The following PUM1 variants were observed in gnomAD, a reference collection of about 807,000 sequenced individuals.
PUM1 encodes pumilio homolog 1.
A neutral mutation model predicts 131.8 loss-of-function variants in PUM1; 13 were observed. The observed-to-expected ratio is 0.10, with a 90% CI of 0.06 to 0.16. PUM1 has a LOEUF of 0.16. PUM1 is among the 10% of genes least tolerant of loss of function. The probability of loss-of-function intolerance (pLI) is 1.00; values close to 1 mark genes in which losing one functional copy is unlikely to be tolerated. For missense variants in PUM1, 961 were observed against 1,512.4 expected, an observed-to-expected ratio of 0.64 and a Z score of 6.05; for synonymous variants, 509 against 556.5, an observed-to-expected ratio of 0.91 and a Z score of 1.20.
chr1:31,057,599 C>T (rs1396202750), intron 2 of PUM1, among the ~76,000 whole-genome samples: 1 of 151,232 alleles, frequency 6.6e-6, no homozygotes, highest in Admixed American at 6.6e-5. Flanking sequence ...GAGGTGGGTG[C>T]CTGTAATCCC....
At position 30,995,234 on chromosome 1, in the gene PUM1, A is replaced by T; in HGVS notation, c.721-14T>A. The stretch of plus-strand genomic sequence containing the variant: ...ATCCCTTGGGCCCTGTTTAAAAAAT[A>T]GCTTCAGCTTCACTAATCGTCATCA... On this transcript the variant is annotated splice_polypyrimidine_tract_variant and intron_variant, in intron 5 of 21. Transcript: ENST00000426105. 1 of 1,613,668 alleles carries T rather than the reference A, an allele frequency of 6.2e-7. No individual in the cohort carries two copies. The highest frequency in any genetic ancestry group is 8.5e-7 in the Non-Finnish European group (1 of 1,179,706).
intron 7 of PUM1, among the ~76,000 whole-genome samples, chr1:30,982,387 T>C (rs112265697): frequency 2.0e-5 from 3 of 152,178 alleles, no homozygotes; most frequent in African/African-American, 2.4e-5. Flanking sequence ...ATGAATAGTA[T>C]TGGTATAAAG....
intron 3 of PUM1, among the ~76,000 whole-genome samples, chr1:31,012,090 T>C (rs1361896378): frequency 6.6e-6 from 1 of 151,986 alleles, no homozygotes; most frequent in Non-Finnish European, 1.5e-5. Context: ...ACCCAAGTAA[T>C]CTCCCTGGCT....
At chr1:31,022,593 C>T (rs1643069040) in intron 3 of PUM1, among the ~76,000 whole-genome samples, 1 of 152,186 alleles carries the variant, frequency 6.6e-6, no homozygotes, top group Non-Finnish European at 1.5e-5. Context: ...TTAGAAAACA[C>T]CTTCTCCTAT....
intron 2 of PUM1, among the ~76,000 whole-genome samples, chr1:31,044,862 T>G (rs1643914815): frequency 6.6e-6 from 1 of 152,084 alleles, no homozygotes. Flanking sequence ...CAGGCTGGAG[T>G]GCAATGGCAC....
At chr1:31,032,870 C>T (rs992065811) in intron 2 of PUM1, among the ~76,000 whole-genome samples, 1 of 152,064 alleles carries the variant, frequency 6.6e-6, no homozygotes, top group Admixed American at 6.5e-5. Flanking sequence ...CTTTGGGAGG[C>T]TAAGGCGGGC....
intron 20 of PUM1, 63 bp from the exon 21 acceptor site, chr1:30,936,898 T>G: frequency 7.1e-7 from 1 of 1,415,706 alleles, no homozygotes; most frequent in African/African-American, 1.4e-5. Context: ...GAGGCTGTGC[T>G]TGCCTAGCTT....
At chr1:31,056,942 G>A (rs182418187) in intron 2 of PUM1, among the ~76,000 whole-genome samples, 30 of 151,878 alleles carry the variant, frequency 2.0e-4, no homozygotes, top group Non-Finnish European at 3.1e-4. Flanking sequence ...ACAAGCATGC[G>A]CCACCACGCC....
At chr1:30,992,007 C>T (rs917472057) in intron 7 of PUM1, among the ~76,000 whole-genome samples, 2 of 152,160 alleles carry the variant, frequency 1.3e-5, no homozygotes, top group African/African-American at 4.8e-5. Context: ...CTCCTGACAG[C>T]GGTGGATAGT....
intron 5 of PUM1, among the ~76,000 whole-genome samples, chr1:30,996,591 G>A (rs1641988024): frequency 6.6e-6 from 1 of 152,214 alleles, no homozygotes; most frequent in Non-Finnish European, 1.5e-5. Context: ...AAGGAACTGA[G>A]AAAGGATATA....
chr1:31,004,066 TC>T (rs1490862223), intron 5 of PUM1, among the ~76,000 whole-genome samples: 2 of 152,230 alleles, frequency 1.3e-5, no homozygotes, highest in African/African-American at 2.4e-5. Context: ...TCTGGCCCCA[TC>T]TATCTAGCCT....
Position 31,059,585 on chromosome 1 carries a change from C to CAAACAGGTTACAAAT in PUM1, c.-11-23_-11-9dup. On this transcript the variant is annotated splice_polypyrimidine_tract_variant and intron_variant, in intron 1 of 21. Coordinates refer to ENST00000426105, the MANE Select transcript of PUM1 (RefSeq NM_001020658.2). Reference sequence around the variant, plus strand: ...CGCTCATTCCACCAACACCTAAGGACAAACAGGTTACAAATATTTAATATT... The same window carrying CAAACAGGTTACAAAT: ...CGCTCATTCCACCAACACCTAAGGACAAACAGGTTACAAATAAACAGGTTACAAATATTTAATATT... The CAAACAGGTTACAAAT allele has an allele frequency of 6.3e-7, 1 of 1,577,044 alleles. No homozygotes were observed. Among genetic ancestry groups the CAAACAGGTTACAAAT allele is most frequent in the Non-Finnish European group, 8.6e-7 (1 of 1,163,318 alleles).
Position 30,966,221 on chromosome 1 carries a change from G to A in PUM1, c.1847C>T (p.Thr616Ile), listed in dbSNP as rs774998119. ...TCCTAAAGGGCGAAATGGTCCATTTGTTGTTCCAGCAAGACCACCAGCTGC... is the reference window on the plus strand; with the variant it reads ...TCCTAAAGGGCGAAATGGTCCATTTATTGTTCCAGCAAGACCACCAGCTGC... ...NGAAGGLAGT[T>I]NGPFRPLGTQ... Residue 616 changes from threonine to isoleucine, a missense_variant, in exon 13 of 22, where the codon ACA (threonine) becomes ATA (isoleucine). By Grantham distance (89) the Thr-to-Ile change is moderately conservative. Transcript: ENST00000426105. 4 of 1,613,460 alleles carry A rather than the reference G, an allele frequency of 2.5e-6. No homozygotes were observed. In the Admixed American group the frequency reaches 5.0e-5, roughly 20 times the overall value.
rs1174565063 is a variant in PUM1, at chr1:30,989,571, C to CAAAAAAAAAAA, written c.1158+2808_1158+2818dup. Reference sequence around the variant, plus strand: ...TGGGCAAAAGAGTGAGACTCCGTCTCAAAAAAAAAAAAAAAAAAAAAAAAA... The same window carrying CAAAAAAAAAAA: ...TGGGCAAAAGAGTGAGACTCCGTCTCAAAAAAAAAAAAAAAAAAAAAAAAAAAAAAAAAAAA... On this transcript the variant is annotated intron_variant, in intron 7 of 21. Transcript: ENST00000426105. Among the ~76,000 whole-genome samples the CAAAAAAAAAAA allele has an allele frequency of 2.7e-3, 76 of 27,698 alleles. 2 individuals are homozygous for CAAAAAAAAAAA. The highest frequency in any genetic ancestry group is 3.4e-3 in the African/African-American group (25 of 7,410). The allele number at this position is 27,698 out of a possible 152,430, so 18.2% of individuals were successfully genotyped here.
chr1:31,058,695 C>T (rs891705372), intron 2 of PUM1, among the ~76,000 whole-genome samples: 4 of 141,378 alleles, frequency 2.8e-5, no homozygotes, highest in African/African-American at 7.9e-5. Context: ...ATAGGCCGGG[C>T]GTGGGTGGCT....
chr1:30,956,726 T>C (rs1047536062), intron 14 of PUM1, among the ~76,000 whole-genome samples: 4 of 152,166 alleles, frequency 2.6e-5, no homozygotes, highest in African/African-American at 9.7e-5. Flanking sequence ...GAACACACAA[T>C]GTTTTGAAAA....
chr1:31,055,722 T>C (rs1644220987), intron 2 of PUM1, among the ~76,000 whole-genome samples: 1 of 152,214 alleles, frequency 6.6e-6, no homozygotes, highest in African/African-American at 2.4e-5. Context: ...TGATTCCTTA[T>C]GATAGGGCTC....
At chr1:30,974,850 C>T (rs762600658) in intron 9 of PUM1, 48 bp from the exon 10 acceptor site, 1 of 1,502,170 alleles carries the variant, frequency 6.7e-7, no homozygotes, top group Admixed American at 2.2e-5. Context: ...TACTGAGGCT[C>T]ATCTCAGCCT....
chr1:30,960,697 A>G (rs74065550), intron 14 of PUM1, among the ~76,000 whole-genome samples: 2,472 of 152,346 alleles, frequency 0.016, 73 homozygotes, highest in African/African-American at 0.056. Flanking sequence ...AAGCAGTGCA[A>G]GACCTGCACA....
Sources: gnomAD v4.1 joint callset for allele counts (sites outside exome capture counted in the v4.1 genomes callset) on GRCh38, gnomAD v4.1.1 for gene constraint, MANE v1.5 for transcripts, NCBI Gene and HGNC (gene_info 2026-07-23, HGNC 2026-07-21) for gene names.